The following PCDHA3 variants were observed in gnomAD, a reference collection of about 807,000 sequenced individuals.
PCDHA3 encodes protocadherin alpha-3.
In PCDHA3, 41 loss-of-function variants were observed where a neutral mutation model predicts 62.2. The ratio of observed to expected loss-of-function variants is 0.66; its 90% CI spans 0.51 to 0.86. PCDHA3 has a LOEUF of 0.86. Among genes scored for constraint, PCDHA3 ranks in the 40% least tolerant of loss-of-function variants. The probability of loss-of-function intolerance (pLI) is 0.00; values close to 1 mark genes in which losing one functional copy is unlikely to be tolerated. For missense variants in PCDHA3, 1,304 were observed against 1,241.2 expected (o/e 1.05, Z -0.76); for synonymous variants, 640 against 555.4 (o/e 1.15, Z -2.14).
chr5:140,851,536 A>C (rs1051991921), intron 1 of PCDHA3: 1 of 906,438 alleles, frequency 1.1e-6, no homozygotes, highest in African/African-American at 1.8e-5. Context: ...GACAATGTAG[A>C]TAATTCAAGA....
At chr5:140,807,715 A>G in intron 1 of PCDHA3, 1 of 1,614,204 alleles carries the variant, frequency 6.2e-7, no homozygotes, top group African/African-American at 1.3e-5. Context: ...GCCCAAATGA[A>G]TACTTTTCTC....
In PCDHA3 at chr5:141,012,190, T is replaced by C. The variant is rs1002658582; in HGVS notation, c.*2253T>C. On this transcript the variant is annotated 3_prime_UTR_variant, in exon 4 of 4. Transcript: ENST00000522353. ...TTAATGATGATAATTATAATGTATCTGTACAGCACTTTTTACATTTGCGAA... is the reference window on the plus strand; with the variant it reads ...TTAATGATGATAATTATAATGTATCCGTACAGCACTTTTTACATTTGCGAA... The C allele has an allele frequency of 2.0e-5, 3 of 153,780 alleles. No homozygotes were observed. Among genetic ancestry groups the C allele is most frequent in the African/African-American group, 7.2e-5 (3 of 41,458 alleles). 9.5% of individuals were successfully genotyped at this position (153,780 alleles called of 1,614,324 possible).
At chr5:140,897,648 T>C (rs556362001) in intron 1 of PCDHA3, among the ~76,000 whole-genome samples, 1 of 152,302 alleles carries the variant, frequency 6.6e-6, no homozygotes, top group African/African-American at 2.4e-5. Flanking sequence ...ACAATAAACA[T>C]ACGTGTGCAT....
chr5:140,914,187 A>G (rs2076635858), intron 1 of PCDHA3, among the ~76,000 whole-genome samples: 1 of 152,110 alleles, frequency 6.6e-6, no homozygotes, highest in African/African-American at 2.4e-5. Flanking sequence ...TTCTCCACCT[A>G]TTATTGTATT....
chr5:140,946,384 G>A (rs2093939169), intron 1 of PCDHA3, among the ~76,000 whole-genome samples: 1 of 151,758 alleles, frequency 6.6e-6, no homozygotes, highest in Non-Finnish European at 1.5e-5. Context: ...CGGTTGGTAG[G>A]AATGTAAATT....
chr5:140,845,026 C>T (rs1193060489), intron 1 of PCDHA3, among the ~76,000 whole-genome samples: 2 of 149,188 alleles, frequency 1.3e-5, no homozygotes, highest in Non-Finnish European at 3.0e-5. Flanking sequence ...CATTTATGGG[C>T]ATATTTTAGC....
chr5:140,919,307 T>C (rs567605906), intron 1 of PCDHA3, among the ~76,000 whole-genome samples: 2 of 152,348 alleles, frequency 1.3e-5, no homozygotes, highest in East Asian at 1.9e-4. Context: ...GTACAATATA[T>C]GTTTTCCCAT....
At chr5:140,823,974 G>C (rs2150131023) in intron 1 of PCDHA3, 1 of 1,614,122 alleles carries the variant, frequency 6.2e-7, no homozygotes, top group East Asian at 2.2e-5. Flanking sequence ...TGTGCACACG[G>C]GGCAAGCCCA....
chr5:140,857,737 G>C (rs782448076), intron 1 of PCDHA3: 4 of 1,597,412 alleles, frequency 2.5e-6, no homozygotes, highest in Middle Eastern at 1.8e-4. Context: ...ACGCTCCCGC[G>C]CTGCTGGCGT....
At chr5:140,949,271 TGAAAA>T (rs1377326965) in intron 1 of PCDHA3, among the ~76,000 whole-genome samples, 5 of 151,804 alleles carry the variant, frequency 3.3e-5, no homozygotes, top group Non-Finnish European at 5.9e-5. Flanking sequence ...CACGTGCACT[TGAAAA>T]GAATGTATAT....
intron 1 of PCDHA3, among the ~76,000 whole-genome samples, chr5:140,952,160 G>C (rs952147312): frequency 6.6e-6 from 1 of 152,044 alleles, no homozygotes; most frequent in Non-Finnish European, 1.5e-5. Flanking sequence ...GGCTTTGTGG[G>C]GTTCAGTTCC....
intron 1 of PCDHA3, among the ~76,000 whole-genome samples, chr5:140,846,496 T>C (rs1780511719): frequency 6.9e-6 from 1 of 143,918 alleles, no homozygotes; most frequent in Non-Finnish European, 1.5e-5. Flanking sequence ...TTCCTCAGCC[T>C]CCCAAGTAGC....
At chr5:140,856,280 C>T in intron 1 of PCDHA3, 1 of 1,598,442 alleles carries the variant, frequency 6.3e-7, no homozygotes, top group Non-Finnish European at 8.6e-7. Context: ...GGAGGTAAAT[C>T]TGCAGAATGG....
chr5:140,802,382 C>T lies in PCDHA3; in HGVS notation c.1185C>T (p.Phe395=). 1 of 1,614,268 alleles carries T rather than the reference C, an allele frequency of 6.2e-7. No homozygotes were observed. Among genetic ancestry groups the T allele is most frequent in the Admixed American group, 1.7e-5 (1 of 60,034 alleles). Residue 395 remains phenylalanine (F), a synonymous_variant, in exon 1 of 4, where the codon TTC becomes TTT. Coordinates refer to ENST00000522353, the MANE Select transcript of PCDHA3 (RefSeq NM_018906.3). ...GCTCGCTGACGCCCCACGTCCCCTT[C>T]AAGCTGGTGTCCACCTTCAAGAATT... ...VTCSLTPHVP[F]KLVSTFKNYY... is the part of the protein sequence containing the mutation.
chr5:140,853,242 A>T, intron 1 of PCDHA3: 1 of 978,496 alleles, frequency 1.0e-6, no homozygotes, highest in Non-Finnish European at 1.2e-6. Context: ...CCTTCATATT[A>T]ATCTCTATTC....
chr5:140,856,435 G>T, intron 1 of PCDHA3: 3 of 1,598,320 alleles, frequency 1.9e-6, no homozygotes, highest in Non-Finnish European at 2.6e-6. Flanking sequence ...ACGACAACCC[G>T]CCCAGGTTCT....
chr5:140,886,827 GAAA>G (rs782016620), intron 1 of PCDHA3, among the ~76,000 whole-genome samples: 1 of 60,882 alleles, frequency 1.6e-5, no homozygotes. Flanking sequence ...ACTTCGTCTT[GAAA>G]AAAAAAAAAA....
At chr5:140,874,144 T>A (rs1554167057) in intron 1 of PCDHA3, among the ~76,000 whole-genome samples, 1 of 152,244 alleles carries the variant, frequency 6.6e-6, no homozygotes, top group Non-Finnish European at 1.5e-5. Context: ...CTTATACTTG[T>A]AGAGCCATTC....
intron 1 of PCDHA3, among the ~76,000 whole-genome samples, chr5:140,944,520 T>G (rs1554216391): frequency 6.6e-6 from 1 of 152,140 alleles, no homozygotes; most frequent in Non-Finnish European, 1.5e-5. Flanking sequence ...TATTTTGTGC[T>G]TTAAATGATT....
Sources: gnomAD v4.1 joint callset for allele counts (sites outside exome capture counted in the v4.1 genomes callset) on GRCh38, gnomAD v4.1.1 for gene constraint, MANE v1.5 for transcripts, NCBI Gene and HGNC (gene_info 2026-07-23, HGNC 2026-07-21) for gene names.